DRC4: variants seen among roughly 807,000 people sequenced by gnomAD.
DRC4 encodes the protein dynein regulatory complex subunit 4.
chr16:90,035,650 C>T, the DRC4 span: 4 of 1,614,152 alleles, frequency 2.5e-6, no homozygotes, highest in Non-Finnish European at 3.4e-6. Flanking sequence ...CCGAGGAGAT[C>T]ACCAGGATGC....
chr16:90,026,237 A>G, the DRC4 span, among the ~76,000 whole-genome samples: 5 of 152,256 alleles, frequency 3.3e-5, no homozygotes, highest in African/African-American at 1.2e-4. Context: ...TGCCCTGTAA[A>G]TGGGTGGCCA....
the DRC4 span, chr16:90,042,806 G>A: frequency 3.6e-5 from 19 of 527,218 alleles, no homozygotes; most frequent in Non-Finnish European, 6.5e-5. Context: ...CTTCCCCTGG[G>A]CAGGGAGTCA....
At chr16:90,036,073 G>A in the DRC4 span, 3 of 640,652 alleles carry the variant, frequency 4.7e-6, no homozygotes, top group East Asian at 3.2e-5. Context: ...TGGCTGGGTG[G>A]CCACACAGGC....
the DRC4 span, chr16:90,040,588 C>T: frequency 2.0e-4 from 263 of 1,294,546 alleles, 1 homozygote; most frequent in Middle Eastern, 1.1e-3. Flanking sequence ...TGCTGCTCCT[C>T]GGATAGGCAC....
At chr16:90,035,602 T>C in the DRC4 span, 1 of 1,613,986 alleles carries the variant, frequency 6.2e-7, no homozygotes, top group African/African-American at 1.3e-5. Context: ...TGTGTCCGGC[T>C]GTGTAGTAAT....
At chr16:90,021,986 G>A in the DRC4 span, 1 of 152,096 alleles carries the variant, frequency 6.6e-6, no homozygotes, top group Admixed American at 6.6e-5. Flanking sequence ...AAAATGGCTA[G>A]CAGTTTTCAG....
the DRC4 span, chr16:90,029,411 G>T: frequency 2.1e-6 from 2 of 936,952 alleles, no homozygotes; most frequent in Non-Finnish European, 3.0e-6. Flanking sequence ...TCCAAGAGAA[G>T]CTGGAAATCT....
the DRC4 span, chr16:90,022,687 T>C: frequency 1.4e-6 from 2 of 1,422,382 alleles, no homozygotes; most frequent in South Asian, 2.7e-5. Context: ...GGCGCCCTGG[T>C]CCCGGAGTCG....
the DRC4 span, chr16:90,037,304 A>G: frequency 6.2e-7 from 1 of 1,614,052 alleles, no homozygotes; most frequent in Non-Finnish European, 8.5e-7. Flanking sequence ...TGGGCAGAAC[A>G]AGCGCCTGGC....
chr16:90,022,080 C>G, the DRC4 span: 1 of 152,166 alleles, frequency 6.6e-6, no homozygotes, highest in Admixed American at 6.5e-5. Flanking sequence ...TCTTTTCATC[C>G]GTGAGGAGTG....
the DRC4 span, among the ~76,000 whole-genome samples, chr16:90,026,200 G>C: frequency 6.6e-6 from 1 of 152,282 alleles, no homozygotes; most frequent in African/African-American, 2.4e-5. Flanking sequence ...AGCAGGATAG[G>C]ATATGGAAAT....
At chr16:90,037,414 G>A in the DRC4 span, 3 of 1,602,410 alleles carry the variant, frequency 1.9e-6, no homozygotes, top group Non-Finnish European at 1.7e-6. Context: ...GTTTCCCGCT[G>A]GATTCCTCTC....
the DRC4 span, chr16:90,043,944 G>C: frequency 7.1e-6 from 3 of 420,810 alleles, no homozygotes; most frequent in African/African-American, 6.2e-5. Flanking sequence ...TGTAGGACCA[G>C]GGGCACGTGG....
the DRC4 span, among the ~76,000 whole-genome samples, chr16:90,026,748 C>T: frequency 1.3e-5 from 2 of 149,810 alleles, no homozygotes; most frequent in African/African-American, 2.5e-5. Context: ...CGGTGGTGCA[C>T]CATAGCTCAC....
chr16:90,037,610 G>A, the DRC4 span: 8 of 951,142 alleles, frequency 8.4e-6, no homozygotes, highest in African/African-American at 3.2e-5. Context: ...ACGTGCTACC[G>A]GCCGGCCTTG....
At chr16:90,025,654 A>G in the DRC4 span, among the ~76,000 whole-genome samples, 21 of 139,344 alleles carry the variant, frequency 1.5e-4, no homozygotes, top group African/African-American at 5.6e-4. Flanking sequence ...TGTCTCAAAA[A>G]AAAAAAAAAA....
chr16:90,044,820 C>T, the DRC4 span: 1 of 257,442 alleles, frequency 3.9e-6, no homozygotes, highest in South Asian at 3.8e-5. Context: ...GAAATCACAA[C>T]ACAGAGAAGC....
chr16:90,035,059 A>C, the DRC4 span, among the ~76,000 whole-genome samples: 2 of 151,892 alleles, frequency 1.3e-5, no homozygotes, highest in Admixed American at 1.3e-4. Context: ...ATGTGCCACC[A>C]TGCCCGGCTA....
the DRC4 span, chr16:90,036,839 T>C: frequency 1.6e-6 from 1 of 622,742 alleles, no homozygotes; most frequent in East Asian, 2.9e-5. Flanking sequence ...AAGTGTGTTC[T>C]GGTTTGTAAA....
Sources: gnomAD v4.1 joint callset for allele counts (sites outside exome capture counted in the v4.1 genomes callset) on GRCh38, gnomAD v4.1.1 for gene constraint, MANE v1.5 for transcripts, NCBI Gene and HGNC (gene_info 2026-07-23, HGNC 2026-07-21) for gene names.